The following GPR26 variants were observed in gnomAD, a reference collection of about 807,000 sequenced individuals.
GPR26 encodes the protein G protein-coupled receptor 26.
Under a neutral mutation model 23.1 loss-of-function variants are expected in GPR26, and 15 were observed. The ratio of observed to expected loss-of-function variants is 0.65; its 90% confidence interval spans 0.43 to 1.00. The LOEUF is 1.00. Ranked by LOEUF, GPR26 falls within the 50% of genes least tolerant of loss-of-function variation. The pLI is 0.00. For synonymous variants in GPR26, 228 were observed against 222.1 expected (o/e 1.03, Z -0.24); for missense variants, 359 against 470.5 (o/e 0.76, Z 2.19).
Position 123,697,246 on chromosome 10 carries a change from A to G in GPR26, c.*9086A>G, listed in dbSNP as rs1845555259. 6.6e-6 allele frequency among the ~76,000 whole-genome samples: 1 copy of G among 152,222 alleles called. No individual in the cohort carries two copies. The highest frequency in any genetic ancestry group is 1.5e-5 in the Non-Finnish European group (1 of 68,034). The stretch of plus-strand genomic sequence containing the variant: ...TTGAAATGGGACTCAAGAATTTTGA[A>G]TCCAAGGCCAATGCTGCCTGCTCTG... On this transcript the variant is annotated 3_prime_UTR_variant, in exon 3 of 3. Coordinates refer to ENST00000284674, the MANE Select transcript of GPR26 (RefSeq NM_153442.4).
chr10:123,679,325 C>G (rs905588325), intron 2 of GPR26, among the ~76,000 whole-genome samples: 1 of 152,166 alleles, frequency 6.6e-6, no homozygotes, highest in African/African-American at 2.4e-5. Context: ...AATGCTGAAG[C>G]CAGGCTGGGA....
chr10:123,667,792 C>T (rs1845205022), intron 1 of GPR26, among the ~76,000 whole-genome samples: 1 of 152,136 alleles, frequency 6.6e-6, no homozygotes, highest in Non-Finnish European at 1.5e-5. Context: ...GTCACGCTGG[C>T]TGCTGTTCTC....
At position 123,696,392 on chromosome 10, in the gene GPR26, C is replaced by T. The variant is rs116622326; in HGVS notation, c.*8232C>T. Among the ~76,000 whole-genome samples, 90 of 152,224 alleles carry T rather than the reference C, an allele frequency of 5.9e-4. No individual in the cohort carries two copies. Among genetic ancestry groups the T allele is most frequent in the Middle Eastern group, 3.4e-3 (1 of 294 alleles). ...TACATTCCTTGAATTTTCATAGATTCTATTTTTTTCATGTCTGTGAAAAGT... is the reference window on the plus strand; with the variant it reads ...TACATTCCTTGAATTTTCATAGATTTTATTTTTTTCATGTCTGTGAAAAGT... On this transcript the variant is annotated 3_prime_UTR_variant, in exon 3 of 3. Transcript: ENST00000284674.
At position 123,669,427 on chromosome 10, in the gene GPR26, A is replaced by G. The variant is rs35019564; in HGVS notation, c.668+2352A>G. On this transcript the variant is annotated intron_variant, in intron 1 of 2. Transcript: ENST00000284674. ...CCTCCCTACAAATGAGCAAGTACAG[A>G]GCTAGCTCAGGGGCTGCCCCAGGCA... 2.4e-3 allele frequency among the ~76,000 whole-genome samples: 363 copies of G among 152,336 alleles called. 7 individuals are homozygous for G. The East Asian group carries it at 0.034, about 14-fold the overall frequency.
chr10:123,679,341 G>A (rs779387553), intron 2 of GPR26, among the ~76,000 whole-genome samples: 14 of 152,304 alleles, frequency 9.2e-5, no homozygotes, highest in African/African-American at 2.6e-4. Flanking sequence ...TGGGATTAGC[G>A]GGAAAGTGGT....
intron 1 of GPR26, among the ~76,000 whole-genome samples, chr10:123,667,475 G>A (rs946609163): frequency 5.9e-5 from 9 of 152,024 alleles, no homozygotes; most frequent in Non-Finnish European, 1.0e-4. Context: ...TGCTTAGGGA[G>A]CTCCTTAAGA....
chr10:123,681,245 C>G (rs1017102080), intron 2 of GPR26, among the ~76,000 whole-genome samples: 1 of 152,118 alleles, frequency 6.6e-6, no homozygotes, highest in African/African-American at 2.4e-5. Flanking sequence ...TGCCTGAAAC[C>G]GGCGGCCGTG....
intron 1 of GPR26, among the ~76,000 whole-genome samples, chr10:123,671,293 G>T (rs1037256118): frequency 6.6e-6 from 1 of 152,194 alleles, no homozygotes; most frequent in Non-Finnish European, 1.5e-5. Context: ...TATGACTGGA[G>T]CCGCTGGGGA....
At position 123,674,098 on chromosome 10, in the gene GPR26, C is replaced by T. The variant is rs144793054; in HGVS notation, c.669-720C>T. Among the ~76,000 whole-genome samples the T allele has an allele frequency of 0.013, 1,908 of 152,220 alleles. 28 individuals carry two copies. Among genetic ancestry groups the T allele is most frequent in the Non-Finnish European group, 0.014 (976 of 68,028 alleles). ...TCAGCCTCCCAAGTAGCTGGGATTA[C>T]AGGAGCCCACCACCACGCATGGCTA... On this transcript the variant is annotated intron_variant, in intron 1 of 2. Coordinates refer to ENST00000284674, the MANE Select transcript of GPR26 (RefSeq NM_153442.4). The surrounding 1 kb of genome is among the most constrained non-coding windows in gnomAD (Gnocchi z 4.1).
rs546778077 is a variant in GPR26 at position 123,673,969 on chromosome 10, G to A, written c.669-849G>A. On this transcript the variant is annotated intron_variant, in intron 1 of 2. Transcript: ENST00000284674. ...CCTTTTCTTCTTTTTTGTTGTTGTC[G>A]TTGTTGAGACAAAGTTTCGCTTTTC... Among the ~76,000 whole-genome samples the A allele has an allele frequency of 2.6e-3, 384 of 149,876 alleles. 1 individual carries two copies. Among genetic ancestry groups the A allele is most frequent in the Middle Eastern group, 0.017 (5 of 292 alleles).
chr10:123,681,457 T>TC (rs1845377077), intron 2 of GPR26, among the ~76,000 whole-genome samples: 1 of 152,040 alleles, frequency 6.6e-6, no homozygotes, highest in South Asian at 2.1e-4. Flanking sequence ...AAACTAATAT[T>TC]CCCCACAACT....
At chr10:123,667,758 G>C (rs1344770222) in intron 1 of GPR26, among the ~76,000 whole-genome samples, 1 of 152,066 alleles carries the variant, frequency 6.6e-6, no homozygotes, top group African/African-American at 2.4e-5. Context: ...GGCTCCTGGG[G>C]CTGAATCTGC....
chr10:123,684,931 G>A lies in GPR26; in HGVS notation c.783-2998G>A, dbSNP rs185545641. ...CAAGTCGTGCTCTGTCAACACCTGA[G>A]CCCAATAACCCCTCACTGTAGGGCT... On this transcript the variant is annotated intron_variant, in intron 2 of 2. Transcript: ENST00000284674. 1.1e-3 allele frequency among the ~76,000 whole-genome samples: 171 copies of A among 152,302 alleles called. 1 individual carries two copies. The highest frequency in any genetic ancestry group is 3.9e-3 in the African/African-American group (163 of 41,568).
In GPR26 at chr10:123,691,282, G is replaced by T. The variant is rs947044929; in HGVS notation, c.*3122G>T. ...CCTGCCTGTTTTTACTTAGAAAGCA[G>T]GCTTGGGCAGGAGGGGAAATGGATT... is the stretch of plus-strand genomic sequence containing the variant. On this transcript the variant is annotated 3_prime_UTR_variant, in exon 3 of 3. Coordinates refer to ENST00000284674, the MANE Select transcript of GPR26 (RefSeq NM_153442.4). 2 of 152,150 alleles carry T rather than the reference G, an allele frequency of 1.3e-5. No homozygotes were observed. Among genetic ancestry groups the T allele is most frequent in the Non-Finnish European group, 2.9e-5 (2 of 68,038 alleles). 9.4% of individuals were successfully genotyped at this position (152,150 alleles called of 1,614,324 possible). A position where few individuals can be genotyped will look rare whatever the true frequency, so the allele number is the denominator to read the frequency against.
intron 1 of GPR26, among the ~76,000 whole-genome samples, chr10:123,673,457 C>T (rs946800460): frequency 6.6e-6 from 1 of 152,214 alleles, no homozygotes; most frequent in African/African-American, 2.4e-5. Context: ...AAGTTATCTT[C>T]ACTTCCTGGG....
chr10:123,679,063 CTGT>C (rs1258028596), intron 2 of GPR26, among the ~76,000 whole-genome samples: 1 of 152,224 alleles, frequency 6.6e-6, no homozygotes, highest in Non-Finnish European at 1.5e-5. Flanking sequence ...TATTTTTCTG[CTGT>C]TCTTTTCAAG....
chr10:123,696,886 T>C lies in GPR26; in HGVS notation c.*8726T>C, dbSNP rs1301054858. ...GAATGTTTGTGTGCCCATGAGTATA[T>C]GCATACGGGTGAATGTTTGTGTGCC... On this transcript the variant is annotated 3_prime_UTR_variant, in exon 3 of 3. Transcript: ENST00000284674. Among the ~76,000 whole-genome samples, 1 of 144,822 alleles carries C rather than the reference T, an allele frequency of 6.9e-6. No individual in the cohort carries two copies. Among genetic ancestry groups the C allele is most frequent in the East Asian group, 1.9e-4 (1 of 5,202 alleles).
chr10:123,673,920 C>CTT (rs1157092196), intron 1 of GPR26, among the ~76,000 whole-genome samples: 5 of 89,584 alleles, frequency 5.6e-5, no homozygotes, highest in Non-Finnish European at 8.1e-5. Context: ...TCTTCCTCTT[C>CTT]CTCTTCTTCT....
Position 123,666,996 on chromosome 10 carries a change from A to G in GPR26, c.589A>G (p.Lys197Glu), listed in dbSNP as rs772975362. 6.2e-7 allele frequency: 1 copy of G among 1,613,056 alleles called. No homozygotes were observed. The highest frequency in any genetic ancestry group is 1.7e-5 in the Admixed American group (1 of 59,962). The change falls in exon 1 of 3, where the codon AAG becomes GAG. Residue 197 changes from lysine (K) to glutamate (E), a missense_variant. By Grantham distance (56) the Lys-to-Glu change is moderately conservative (BLOSUM62 1). Transcript: ENST00000284674. ...CTGCTGCACGTACCTCAAGGTGCTCAAGGTGGCCCGCTTCCATTGCAAGCG... is the reference window on the plus strand; with the variant it reads ...CTGCTGCACGTACCTCAAGGTGCTCGAGGTGGCCCGCTTCCATTGCAAGCG... ...VLCCTYLKVLKVARFHCKRID... is the reference protein window; with the variant it reads ...VLCCTYLKVLEVARFHCKRID...
Sources: gnomAD v4.1 joint callset for allele counts (sites outside exome capture counted in the v4.1 genomes callset) on GRCh38, gnomAD v4.1.1 for gene constraint, Gnocchi (gnomAD v3.1) non-coding constraint, MANE v1.5 for transcripts, NCBI Gene and HGNC (gene_info 2026-07-23, HGNC 2026-07-21) for gene names.